The following HEATR1 variants were observed in gnomAD, a reference collection of about 807,000 sequenced individuals.
HEATR1 encodes the protein HEAT repeat-containing protein 1.
HEATR1 carries 77 observed loss-of-function variants against 248.2 expected under a neutral mutation model. The observed-to-expected ratio is 0.31, with a 90% CI of 0.26 to 0.37. HEATR1 has a LOEUF of 0.37. Ranked by LOEUF, HEATR1 falls within the 10% of genes least tolerant of loss-of-function variation. The pLI is 1.00. For synonymous variants in HEATR1, 897 were observed against 923.1 expected (o/e 0.97, Z 0.51); for missense variants, 2,420 against 2,504.9 (o/e 0.97, Z 0.72).
chr1:236,566,936 T>C, intron 29 of HEATR1, 60 bp from the exon 30 acceptor site: 6 of 1,144,810 alleles, frequency 5.2e-6, no homozygotes, highest in African/African-American at 3.1e-5. Flanking sequence ...AAAACAAGTT[T>C]AGGTGAACAA....
At chr1:236,554,494 A>T in intron 42 of HEATR1, 104 bp downstream of exon 42, 1 of 1,060,636 alleles carries the variant, frequency 9.4e-7, no homozygotes, top group Non-Finnish European at 1.4e-6. Context: ...AAACAACCTT[A>T]CAAAGAAAAA....
chr1:236,558,608 G>T, intron 35 of HEATR1, 79 bp from the exon 36 acceptor site: 2 of 1,406,164 alleles, frequency 1.4e-6, no homozygotes, highest in Non-Finnish European at 1.9e-6. Flanking sequence ...CACAGCTTGA[G>T]ATTGTCTAAA....
Position 236,585,112 on chromosome 1 carries a change from T to C in HEATR1, c.2154A>G (p.Leu718=), listed in dbSNP as rs1411682744. The part of the protein sequence containing the change: ...LSVLVSCCSS[L]KETHFPFAIR... ...TCGCAAATGGAAAGTGGGTTTCTTTTAAAGATGAACAACAAGAGACGAGCA... is the reference window on the plus strand; with the variant it reads ...TCGCAAATGGAAAGTGGGTTTCTTTCAAAGATGAACAACAAGAGACGAGCA... The change falls in exon 17 of 45, where the codon TTA becomes TTG. Residue 718 remains leucine, a synonymous_variant. Transcript: ENST00000366582. 1 of 1,613,978 alleles carries C rather than the reference T, an allele frequency of 6.2e-7. No homozygotes were observed. Among genetic ancestry groups the C allele is most frequent in the African/African-American group, 1.3e-5 (1 of 74,936 alleles).
rs748903503 is a variant in HEATR1, at chr1:236,552,051, A to T, written c.6294T>A (p.Asn2098Lys). 4 of 1,613,732 alleles carry T rather than the reference A, an allele frequency of 2.5e-6. No homozygotes were observed. The South Asian group carries it at 4.4e-5, about 18-fold the overall frequency. Residue 2098 changes from asparagine to lysine, a missense_variant, in exon 44 of 45, where the codon AAT (asparagine) becomes AAA (lysine). By Grantham distance (94) the Asn-to-Lys change is moderately conservative. Coordinates refer to ENST00000366582, the MANE Select transcript of HEATR1 (RefSeq NM_018072.6). ...TGGATTCTGGTAGCAAGACAATATAATTCTCCTTTAGTTTTTCAGCCAGTG... is the reference window on the plus strand; with the variant it reads ...TGGATTCTGGTAGCAAGACAATATATTTCTCCTTTAGTTTTTCAGCCAGTG... ...VLALAEKLKE[N>K]YIVLLPESIP...
rs1025640941 is a variant in HEATR1, at chr1:236,603,340, G to A, written c.179C>T (p.Pro60Leu). 1.2e-6 allele frequency: 2 copies of A among 1,613,942 alleles called. No homozygotes were observed. Among genetic ancestry groups the A allele is most frequent in the Non-Finnish European group, 1.7e-6 (2 of 1,180,006 alleles). Reference sequence around the variant, plus strand: ...CGGTGCTTCAAACTGCTCAAAGGAAGGATCAATTCCAAGCAACTCTTCCAG... The same window carrying A: ...CGGTGCTTCAAACTGCTCAAAGGAAAGATCAATTCCAAGCAACTCTTCCAG... ...TGLEELLGID[P>L]SFEQFEAPLF... Residue 60 changes from proline to leucine, a missense_variant, in exon 3 of 45, where the codon CCT becomes CTT. Coordinates refer to ENST00000366582, the MANE Select transcript of HEATR1 (RefSeq NM_018072.6).
chr1:236,550,901 C>T lies in HEATR1; in HGVS notation c.*1G>A, dbSNP rs1305110767. The T allele has an allele frequency of 1.3e-6, 2 of 1,594,104 alleles. No homozygotes were observed. Among genetic ancestry groups the T allele is most frequent in the African/African-American group, 2.7e-5 (2 of 73,154 alleles). On this transcript the variant is annotated 3_prime_UTR_variant, in exon 45 of 45. Coordinates refer to ENST00000366582, the MANE Select transcript of HEATR1 (RefSeq NM_018072.6). ...TAGAGTATGAAACACCACAGAAAGT[C>T]TTAGAAATAGCTCTGGAGTGGCTCT...
rs1325467438 is a variant in HEATR1, at chr1:236,551,168, T to TC, written c.6347-179dup. On this transcript the variant is annotated intron_variant, in intron 44 of 44. Coordinates refer to ENST00000366582, the MANE Select transcript of HEATR1 (RefSeq NM_018072.6). ...GACCGCCTCCCTCCACACCGCTCCT[T>TC]CCGCCTTCATTCCTTGCCCACAGGC... The TC allele has an allele frequency of 9.0e-6, 5 of 558,058 alleles. No homozygotes were observed. The East Asian group carries it at 1.5e-4, about 17-fold the overall frequency. 34.6% of individuals were successfully genotyped at this position (558,058 alleles called of 1,614,324 possible).
At chr1:236,553,445 C>T (rs1662843257) in intron 43 of HEATR1, 136 bp downstream of exon 43, 1 of 905,900 alleles carries the variant, frequency 1.1e-6, no homozygotes, top group African/African-American at 1.7e-5. Flanking sequence ...AAGACCGGAC[C>T]TCTAGTACTG....
intron 22 of HEATR1, 28 bp from the exon 23 acceptor site, chr1:236,574,931 T>C: frequency 6.2e-7 from 1 of 1,601,942 alleles, no homozygotes; most frequent in South Asian, 1.1e-5. Flanking sequence ...TAGTAGTAAA[T>C]AGTTATGTAT....
intron 29 of HEATR1, among the ~76,000 whole-genome samples, chr1:236,567,341 G>A (rs185084158): frequency 1.8e-4 from 27 of 152,286 alleles, no homozygotes; most frequent in African/African-American, 5.1e-4. Flanking sequence ...CATGTCCCAA[G>A]CGCTACTTAG....
intron 23 of HEATR1, 37 bp from the exon 24 acceptor site, chr1:236,574,370 A>G: frequency 6.3e-7 from 1 of 1,575,502 alleles, no homozygotes; most frequent in Non-Finnish European, 8.6e-7. Flanking sequence ...GAGTTCAGTG[A>G]ACAAGTTTAA....
intron 42 of HEATR1, among the ~76,000 whole-genome samples, chr1:236,554,129 C>T (rs142705272): frequency 0.016 from 2,376 of 152,304 alleles, 15 homozygotes; most frequent in Middle Eastern, 0.075. Context: ...TGGTGGCTCA[C>T]GCCTGTAATC....
In HEATR1 at chr1:236,604,029, T is replaced by C. The variant is rs749401605; in HGVS notation, c.67A>G (p.Arg23Gly). 7 of 1,598,658 alleles carry C rather than the reference T, an allele frequency of 4.4e-6. No individual in the cohort carries two copies. Among genetic ancestry groups the C allele is most frequent in the Non-Finnish European group, 6.0e-6 (7 of 1,174,276 alleles). ...LPQSDASLLS[R>G]DEVASLLFDP... ...AATAACAAAGAAGCAACTTCATCTCTAGATAAGAGGCTGGCATCACTTTGA... is the reference window on the plus strand; with the variant it reads ...AATAACAAAGAAGCAACTTCATCTCCAGATAAGAGGCTGGCATCACTTTGA... The change falls in exon 2 of 45, where the codon AGA becomes GGA. Residue 23 changes from arginine to glycine, a missense_variant. By Grantham distance (125) the Arg-to-Gly change is moderately radical. Transcript: ENST00000366582.
chr1:236,558,650 C>A (rs571224185), intron 35 of HEATR1, 121 bp from the exon 36 acceptor site: 2 of 965,914 alleles, frequency 2.1e-6, no homozygotes, highest in African/African-American at 1.6e-5. Context: ...CTGAGTCACA[C>A]AGTCATGCTA....
Position 236,550,792 on chromosome 1 carries a change from C to T in HEATR1, c.*110G>A. The T allele has an allele frequency of 1.3e-6, 1 of 762,088 alleles. No homozygotes were observed. The highest frequency in any genetic ancestry group is 2.1e-6 in the Non-Finnish European group (1 of 468,522). The allele number at this position is 762,088 out of a possible 1,614,324, so 47.2% of individuals were successfully genotyped here. ...AGTGATAAAACATTTGTAAGTAATC[C>T]AAGTAGGTGTATTAAGGCACCAAAA... On this transcript the variant is annotated 3_prime_UTR_variant, in exon 45 of 45. Coordinates refer to ENST00000366582, the MANE Select transcript of HEATR1 (RefSeq NM_018072.6).
At chr1:236,584,578 A>G (rs924097087) in intron 17 of HEATR1, among the ~76,000 whole-genome samples, 3 of 152,210 alleles carry the variant, frequency 2.0e-5, no homozygotes, top group African/African-American at 7.2e-5. Context: ...TCCTTTAGTA[A>G]TACTATGAAA....
intron 43 of HEATR1, chr1:236,552,808 C>T (rs1662813383): frequency 1.3e-5 from 2 of 152,152 alleles, no homozygotes; most frequent in African/African-American, 2.4e-5. Context: ...CCATTTGTAA[C>T]TACCTAGATT....
chr1:236,591,509 A>C (rs921343868), intron 11 of HEATR1, among the ~76,000 whole-genome samples: 1 of 152,096 alleles, frequency 6.6e-6, no homozygotes, highest in Non-Finnish European at 1.5e-5. Flanking sequence ...AAATATAAGA[A>C]CTCCTGCTTA....
intron 13 of HEATR1, among the ~76,000 whole-genome samples, 179 bp downstream of exon 13, chr1:236,587,769 T>A (rs16834002): frequency 0.03 from 4,513 of 152,230 alleles, 129 homozygotes; most frequent in Admixed American, 0.093. Context: ...ATTTAATATA[T>A]CAAATTGTGA....
Sources: gnomAD v4.1 joint callset for allele counts (sites outside exome capture counted in the v4.1 genomes callset) on GRCh38, gnomAD v4.1.1 for gene constraint, MANE v1.5 for transcripts, NCBI Gene and HGNC (gene_info 2026-07-23, HGNC 2026-07-21) for gene names.